Variants in SLC24A2 observed in about 807,000 individuals in gnomAD.
SLC24A2 encodes solute carrier family 24 member 2, also known as sodium/potassium/calcium exchanger 2.
Under a neutral mutation model 62.0 loss-of-function variants are expected in SLC24A2, and 36 were observed. The observed-to-expected ratio is 0.58, with a 90% confidence interval of 0.44 to 0.77. The LOEUF (loss-of-function observed/expected upper bound fraction) is 0.77. Among genes scored for constraint, SLC24A2 ranks in the 30% least tolerant of loss-of-function variants. The pLI is 0.00. For synonymous variants in SLC24A2, 358 were observed against 294.0 expected, an observed-to-expected ratio of 1.22 and a Z score of -2.23; for missense variants, 846 against 817.9, an observed-to-expected ratio of 1.03 and a Z score of -0.42.
intron 7 of SLC24A2, among the ~76,000 whole-genome samples, chr9:19,561,302 T>C (rs1178785453): frequency 6.6e-6 from 1 of 151,638 alleles, no homozygotes; most frequent in Non-Finnish European, 1.5e-5. Flanking sequence ...CACTTACCTC[T>C]TATCCATAAG....
At chr9:19,734,947 T>C (rs1353210401) in intron 2 of SLC24A2, among the ~76,000 whole-genome samples, 1 of 152,138 alleles carries the variant, frequency 6.6e-6, no homozygotes, top group South Asian at 2.1e-4. Flanking sequence ...GACATAGGCA[T>C]GGGCAAGGAC....
chr9:19,830,362 A>G, the SLC24A2 span, among the ~76,000 whole-genome samples: 2 of 152,218 alleles, frequency 1.3e-5, no homozygotes, highest in Admixed American at 1.3e-4. Flanking sequence ...TGATATATTT[A>G]TTTGCCATGA....
intron 8 of SLC24A2, among the ~76,000 whole-genome samples, chr9:19,543,056 C>G (rs1834356117): frequency 6.6e-6 from 1 of 152,158 alleles, no homozygotes; most frequent in African/African-American, 2.4e-5. Context: ...GCAGTGAATT[C>G]ATCTGGTTCT....
the SLC24A2 span, among the ~76,000 whole-genome samples, chr9:19,882,878 G>C: frequency 6.6e-6 from 1 of 152,134 alleles, no homozygotes; most frequent in Non-Finnish European, 1.5e-5. Flanking sequence ...ACTCCACCAA[G>C]CAGCCGATGC....
At chr9:19,994,895 C>T in the SLC24A2 span, among the ~76,000 whole-genome samples, 5 of 152,114 alleles carry the variant, frequency 3.3e-5, no homozygotes, top group African/African-American at 4.8e-5. Context: ...ACAGAGTGAG[C>T]GGGTGGGATT....
intron 2 of SLC24A2, among the ~76,000 whole-genome samples, chr9:19,736,576 T>C (rs774282685): frequency 6.6e-6 from 1 of 152,128 alleles, no homozygotes; most frequent in African/African-American, 2.4e-5. Context: ...TGATGCATCA[T>C]GCCTGTAATG....
chr9:19,524,418 C>CAAAAA (rs34416897), intron 9 of SLC24A2, among the ~76,000 whole-genome samples: 1 of 119,054 alleles, frequency 8.4e-6, no homozygotes, highest in Non-Finnish European at 1.8e-5. Flanking sequence ...AAGATAAAGG[C>CAAAAA]AAAAAAAAAA....
the SLC24A2 span, among the ~76,000 whole-genome samples, chr9:20,254,395 C>T: frequency 2.6e-5 from 4 of 152,290 alleles, no homozygotes; most frequent in African/African-American, 9.6e-5. Flanking sequence ...GAGCTGGGTA[C>T]TGGGAATAGA....
At chr9:19,618,273 G>A (rs566664006) in intron 4 of SLC24A2, among the ~76,000 whole-genome samples, 28 of 152,282 alleles carry the variant, frequency 1.8e-4, no homozygotes, top group Admixed American at 5.9e-4. Context: ...TATCCCAGGG[G>A]AAAGAAAAGA....
At chr9:19,845,354 T>C in the SLC24A2 span, among the ~76,000 whole-genome samples, 6 of 152,282 alleles carry the variant, frequency 3.9e-5, no homozygotes, top group South Asian at 2.1e-4. Context: ...CTGATTTTTG[T>C]ACATTAATTT....
At chr9:19,816,613 G>A in the SLC24A2 span, among the ~76,000 whole-genome samples, 1 of 152,086 alleles carries the variant, frequency 6.6e-6, no homozygotes, top group Non-Finnish European at 1.5e-5. Flanking sequence ...GGCTATATAG[G>A]AAGCATAGCA....
rs1209932228 is a variant in SLC24A2, at chr9:19,599,765, T to C, written c.1079-2486A>G. ...CTCATCATGCACTTGGCTGGGGTCC[T>C]ACAGCCCATGATGCCTCCTGGAACG... On this transcript the variant is annotated intron_variant, in intron 4 of 10. Transcript: ENST00000341998. The surrounding 1 kb of genome is among the most constrained non-coding windows in gnomAD (Gnocchi z 4.5). 6.6e-6 allele frequency among the ~76,000 whole-genome samples: 1 copy of C among 152,206 alleles called. No homozygotes were observed. The highest frequency in any genetic ancestry group is 1.5e-5 in the Non-Finnish European group (1 of 68,034).
At chr9:19,580,601 C>A (rs552275234) in intron 5 of SLC24A2, among the ~76,000 whole-genome samples, 7 of 152,326 alleles carry the variant, frequency 4.6e-5, no homozygotes, top group African/African-American at 1.7e-4. Flanking sequence ...TCTGTTCATT[C>A]CCAAGTCACA....
the SLC24A2 span, among the ~76,000 whole-genome samples, chr9:20,005,352 A>C: frequency 1.8e-4 from 28 of 152,316 alleles, no homozygotes; most frequent in Middle Eastern, 6.8e-3. Flanking sequence ...AAAATAATTA[A>C]AAAAACAAAT....
intron 2 of SLC24A2, among the ~76,000 whole-genome samples, chr9:19,779,304 G>C (rs1437601721): frequency 3.3e-5 from 5 of 152,146 alleles, no homozygotes; most frequent in African/African-American, 1.2e-4. Flanking sequence ...AATCACACCT[G>C]ACATATCTTA....
chr9:19,601,499 C>T (rs889744768), intron 4 of SLC24A2, among the ~76,000 whole-genome samples: 1 of 152,166 alleles, frequency 6.6e-6, no homozygotes, highest in African/African-American at 2.4e-5. Flanking sequence ...AGAGCTATAA[C>T]ACTCACCACG....
At chr9:20,080,884 C>T in the SLC24A2 span, among the ~76,000 whole-genome samples, 1,225 of 152,094 alleles carry the variant, frequency 8.1e-3, 23 homozygotes, top group African/African-American at 0.028. Flanking sequence ...AAAATGCTCA[C>T]CATCACTGGC....
chr9:20,015,466 T>A, the SLC24A2 span, among the ~76,000 whole-genome samples: 7 of 152,236 alleles, frequency 4.6e-5, no homozygotes, highest in African/African-American at 1.7e-4. Flanking sequence ...TCAACATGCT[T>A]GAGCTGCTAC....
the SLC24A2 span, among the ~76,000 whole-genome samples, chr9:20,225,091 T>C: frequency 1.3e-5 from 2 of 152,264 alleles, no homozygotes; most frequent in East Asian, 3.9e-4. Flanking sequence ...CTTTCTTCCT[T>C]ACAGGTTTTC....
Sources: gnomAD v4.1 joint callset for allele counts (sites outside exome capture counted in the v4.1 genomes callset) on GRCh38, gnomAD v4.1.1 for gene constraint, Gnocchi (gnomAD v3.1) non-coding constraint, MANE v1.5 for transcripts, NCBI Gene and HGNC (gene_info 2026-07-23, HGNC 2026-07-21) for gene names.